TSGA10: variants seen among roughly 807,000 people sequenced by gnomAD.
TSGA10 encodes testis specific 10.
In TSGA10, 43 loss-of-function variants were observed where a neutral mutation model predicts 96.6. The ratio of observed to expected loss-of-function variants is 0.44; its 90% CI spans 0.35 to 0.57. The LOEUF (loss-of-function observed/expected upper bound fraction) is 0.57, where lower values mean the gene tolerates loss of function less well. Ranked by LOEUF, TSGA10 falls within the 20% of genes least tolerant of loss-of-function variation. TSGA10 has a pLI of 0.01. For missense variants in TSGA10, 703 were observed against 834.4 expected (o/e 0.84, Z 1.94); for synonymous variants, 229 against 269.9 (o/e 0.85, Z 1.48).
chr2:99,009,623 T>C (rs574789135), intron 20 of TSGA10, among the ~76,000 whole-genome samples: 1 of 141,376 alleles, frequency 7.1e-6, no homozygotes, highest in South Asian at 2.4e-4. Flanking sequence ...TGTGGTGACA[T>C]CGGTGAAGAA....
chr2:99,063,380 G>C (rs532155920), intron 16 of TSGA10, among the ~76,000 whole-genome samples: 1 of 152,240 alleles, frequency 6.6e-6, no homozygotes, highest in Admixed American at 6.5e-5. Context: ...TAATAATTCT[G>C]AGTATATCAG....
chr2:99,040,468 T>C (rs558360756), intron 16 of TSGA10, among the ~76,000 whole-genome samples: 1 of 152,064 alleles, frequency 6.6e-6, no homozygotes, highest in East Asian at 1.9e-4. Context: ...AGTGACCAAG[T>C]TGAGAATCAA....
chr2:99,056,288 G>C (rs915107461), intron 16 of TSGA10, among the ~76,000 whole-genome samples: 1 of 152,078 alleles, frequency 6.6e-6, no homozygotes, highest in Non-Finnish European at 1.5e-5. Flanking sequence ...TGACAAGTCT[G>C]TAGCTAGATT....
chr2:99,085,064 T>A (rs1302376986), intron 10 of TSGA10, among the ~76,000 whole-genome samples: 1 of 151,294 alleles, frequency 6.6e-6, no homozygotes, highest in East Asian at 2.0e-4. Flanking sequence ...AGCCTGAACA[T>A]GGTGAAACCC....
At chr2:99,111,759 G>A (rs995119485) in intron 4 of TSGA10, among the ~76,000 whole-genome samples, 1 of 152,066 alleles carries the variant, frequency 6.6e-6, no homozygotes, top group Admixed American at 6.6e-5. Flanking sequence ...CTTATGTATA[G>A]CCTTGAATAG....
At chr2:99,150,806 A>C (rs759950089) in intron 1 of TSGA10, 2 of 1,598,212 alleles carry the variant, frequency 1.3e-6, no homozygotes, top group African/African-American at 1.4e-5. Context: ...AAAGAAAGTG[A>C]TGGACTAGAA....
chr2:99,109,349 G>A (rs377460210), intron 6 of TSGA10, 40 bp downstream of exon 6: 9 of 1,595,242 alleles, frequency 5.6e-6, no homozygotes, highest in South Asian at 2.2e-5. Context: ...CAGTGTCTGG[G>A]CAACAAACTC....
chr2:99,092,526 T>C (rs2104696928), intron 10 of TSGA10, among the ~76,000 whole-genome samples: 1 of 152,148 alleles, frequency 6.6e-6, no homozygotes, highest in Admixed American at 6.5e-5. Flanking sequence ...TGATAGACCA[T>C]TAGCGAGATT....
chr2:99,139,918 T>C (rs958861610), intron 1 of TSGA10, among the ~76,000 whole-genome samples: 1 of 152,092 alleles, frequency 6.6e-6, no homozygotes, highest in Non-Finnish European at 1.5e-5. Flanking sequence ...GAAAAGGTGA[T>C]AAATAGTAAT....
In TSGA10 at chr2:99,109,052, AC is replaced by A. The variant is rs1574431939; in HGVS notation, c.52-62del. ...TATATAGTACTGATAGAAAGGTGCT[AC>A]TGATGGTAGTGCCCAATTTCTATTT... On this transcript the variant is annotated intron_variant, in intron 6 of 20. Coordinates refer to ENST00000393483, the MANE Select transcript of TSGA10 (RefSeq NM_025244.4). The A allele has an allele frequency of 5.5e-6, 7 of 1,270,932 alleles. No individual in the cohort carries two copies. The East Asian group carries it at 1.7e-4, about 31-fold the overall frequency. 78.7% of individuals were successfully genotyped at this position (1,270,932 alleles called of 1,614,324 possible).
At chr2:99,106,965 G>C (rs1354888864) in intron 7 of TSGA10, among the ~76,000 whole-genome samples, 1 of 152,096 alleles carries the variant, frequency 6.6e-6, no homozygotes, top group Non-Finnish European at 1.5e-5. Context: ...TTTAACTCTT[G>C]CCTCTCTCTA....
intron 16 of TSGA10, among the ~76,000 whole-genome samples, chr2:99,041,764 A>T (rs1480323528): frequency 1.3e-5 from 2 of 152,320 alleles, no homozygotes; most frequent in Non-Finnish European, 1.5e-5. Flanking sequence ...ACATTGGCTT[A>T]GGCAAACCCT....
At chr2:99,125,523 C>T (rs1363198631) in intron 2 of TSGA10, 1 of 152,136 alleles carries the variant, frequency 6.6e-6, no homozygotes, top group Non-Finnish European at 1.5e-5. Flanking sequence ...TTGTAACATC[C>T]GTTCCATTTC....
Position 99,109,002 on chromosome 2 carries a change from A to G in TSGA10, c.52-11T>C. On this transcript the variant is annotated splice_polypyrimidine_tract_variant and intron_variant, in intron 6 of 20. Transcript: ENST00000393483. ...ATCACAGTTTGCACCCTATAATTAT[A>G]TAAGGAATTTGAAATCTTCTTTGAT... 2 of 1,492,048 alleles carry G rather than the reference A, an allele frequency of 1.3e-6. No homozygotes were observed. Among genetic ancestry groups the G allele is most frequent in the East Asian group, 2.5e-5 (1 of 40,086 alleles). The allele number at this position is 1,492,048 out of a possible 1,614,324, so 92.4% of individuals were successfully genotyped here. A position where few individuals can be genotyped will look rare whatever the true frequency, so the allele number is the denominator to read the frequency against.
At chr2:99,026,627 G>C (rs1474029412) in intron 17 of TSGA10, among the ~76,000 whole-genome samples, 2 of 151,996 alleles carry the variant, frequency 1.3e-5, no homozygotes, top group African/African-American at 4.8e-5. Flanking sequence ...GTTTCACCGT[G>C]TTAGCCAGGA....
In TSGA10 at chr2:99,124,983, T is replaced by C. The variant is rs1214348774; in HGVS notation, c.-492+2065A>G. 7 of 152,214 alleles carry C rather than the reference T, an allele frequency of 4.6e-5. No homozygotes were observed. The East Asian group carries it at 9.6e-4, about 21-fold the overall frequency. 9.4% of individuals were successfully genotyped at this position (152,214 alleles called of 1,614,324 possible). ...GTTTTGACACACATAGGATGACATG[T>C]ATCCACTATTAGTATATCATACAGA... On this transcript the variant is annotated intron_variant, in intron 2 of 20. Transcript: ENST00000393483.
rs373123810 is a variant in TSGA10, at chr2:99,042,392, C to A, written c.1405-6953G>T. On this transcript the variant is annotated intron_variant, in intron 16 of 20. Transcript: ENST00000393483. The stretch of plus-strand genomic sequence containing the variant: ...AGAAAGCGCTGTAGACGGGACATGG[C>A]CAGCCCATCCAGCAGAGAGGGCCCA... Among the ~76,000 whole-genome samples the A allele has an allele frequency of 1.4e-4, 21 of 152,222 alleles. 1 individual carries two copies. The East Asian group carries it at 4.1e-3, about 30-fold the overall frequency.
chr2:99,009,905 T>A (rs2078860567), intron 20 of TSGA10, among the ~76,000 whole-genome samples: 1 of 152,214 alleles, frequency 6.6e-6, no homozygotes, highest in African/African-American at 2.4e-5. Flanking sequence ...CACATGTGTA[T>A]ATAAGAAAAC....
chr2:99,100,456 T>C (rs1410762505), intron 10 of TSGA10, among the ~76,000 whole-genome samples: 1 of 152,062 alleles, frequency 6.6e-6, no homozygotes, highest in Non-Finnish European at 1.5e-5. Context: ...ACTGGGAAAA[T>C]TGAGTAATCA....
Sources: allele counts gnomAD v4.1 joint callset (sites outside exome capture counted in the v4.1 genomes callset), GRCh38; gene constraint gnomAD v4.1.1; transcripts MANE v1.5; gene names NCBI Gene and HGNC (gene_info 2026-07-23, HGNC 2026-07-21).